ZNF454: variants seen among roughly 807,000 people sequenced by gnomAD.
ZNF454 encodes zinc finger protein 454.
ZNF454 carries 30 observed loss-of-function variants against 48.2 expected under a neutral mutation model. The ratio of observed to expected loss-of-function variants is 0.62; its 90% CI spans 0.47 to 0.84. ZNF454 has a LOEUF of 0.84. Ranked by LOEUF, ZNF454 falls within the 40% of genes least tolerant of loss-of-function variation. The probability of loss-of-function intolerance (pLI) is 0.00; values close to 1 mark genes in which losing one functional copy is unlikely to be tolerated. For synonymous variants in ZNF454, 204 were observed against 211.4 expected, an observed-to-expected ratio of 0.97 and a Z score of 0.30; for missense variants, 510 against 623.1, an observed-to-expected ratio of 0.82 and a Z score of 1.93.
the ZNF454 span, among the ~76,000 whole-genome samples, chr5:178,982,334 T>C: frequency 6.6e-6 from 1 of 152,046 alleles, no homozygotes; most frequent in Non-Finnish European, 1.5e-5. Flanking sequence ...TCCCAGCACT[T>C]TGGGAGGCCG....
At chr5:178,983,730 A>T in the ZNF454 span, among the ~76,000 whole-genome samples, 2 of 152,180 alleles carry the variant, frequency 1.3e-5, no homozygotes, top group African/African-American at 4.8e-5. Context: ...GCTGATGCCG[A>T]GGAGTACTGG....
chr5:178,987,319 C>T, the ZNF454 span: 22 of 502,998 alleles, frequency 4.4e-5, no homozygotes, highest in African/African-American at 1.9e-4. Context: ...GGTAGATACT[C>T]GAGAGACTAG....
the ZNF454 span, among the ~76,000 whole-genome samples, chr5:178,972,310 A>G: frequency 6.6e-6 from 1 of 152,360 alleles, no homozygotes; most frequent in East Asian, 1.9e-4. Context: ...ACAACATTTT[A>G]CAATCTATTT....
chr5:178,947,534 AT>A (rs1413079244), intron 4 of ZNF454, among the ~76,000 whole-genome samples: 4 of 152,108 alleles, frequency 2.6e-5, no homozygotes, highest in Admixed American at 6.6e-5. Context: ...GTTATTGTAT[AT>A]TTTGCTGTGT....
chr5:178,985,230 T>C, the ZNF454 span: 4 of 455,100 alleles, frequency 8.8e-6, no homozygotes, highest in African/African-American at 2.0e-5. Context: ...GTGAGCCAAA[T>C]TGTAGAAGAG....
chr5:178,969,386 C>T, downstream of ZNF454: 2 of 446,270 alleles, frequency 4.5e-6, no homozygotes, highest in South Asian at 3.2e-5. Flanking sequence ...TTTCTGTGCC[C>T]CACCTTCAGC....
At chr5:178,989,211 A>AACCCCCC in the ZNF454 span, 2 of 121,698 alleles carry the variant, frequency 1.6e-5, no homozygotes, top group Non-Finnish European at 2.6e-5. Flanking sequence ...CCCCCTCCCC[A>AACCCCCC]CCCTCACCAC....
At chr5:178,986,670 C>A in the ZNF454 span, 18 of 1,603,030 alleles carry the variant, frequency 1.1e-5, no homozygotes, top group Admixed American at 2.0e-4. Context: ...TCACCATCTT[C>A]TTCCGCTCCC....
chr5:178,983,080 C>A, the ZNF454 span: 4 of 1,614,132 alleles, frequency 2.5e-6, 1 homozygote, highest in South Asian at 4.4e-5. Flanking sequence ...AGGCTGTAGC[C>A]CAGGCAGCCG....
the ZNF454 span, among the ~76,000 whole-genome samples, chr5:178,985,456 C>A: frequency 6.6e-6 from 1 of 151,092 alleles, no homozygotes; most frequent in African/African-American, 2.4e-5. Context: ...GTCATCCCAG[C>A]ACTTTGGGAG....
intron 4 of ZNF454, among the ~76,000 whole-genome samples, chr5:178,950,507 CT>C (rs1759511522): frequency 6.6e-6 from 1 of 152,180 alleles, no homozygotes; most frequent in African/African-American, 2.4e-5. Flanking sequence ...AAGTGTTGCA[CT>C]TTTTTCCCTT....
At position 178,941,446 on chromosome 5, in the gene ZNF454, T is replaced by C. The variant is rs952926845; in HGVS notation, c.-108+2T>C. 9 of 453,284 alleles carry C rather than the reference T, an allele frequency of 2.0e-5. No homozygotes were observed. Among genetic ancestry groups the C allele is most frequent in the African/African-American group, 1.8e-4 (9 of 49,534 alleles). 28.1% of individuals were successfully genotyped at this position (453,284 alleles called of 1,614,324 possible). A position where few individuals can be genotyped will look rare whatever the true frequency, so the allele number is the denominator to read the frequency against. On this transcript the variant is annotated splice_donor_variant, in intron 1 of 4. Transcript: ENST00000519564. LOFTEE classifies it low-confidence loss of function (5UTR_SPLICE). This position sits in a 1 kb window ranked among gnomAD's most constrained non-coding sequence, Gnocchi z 5.5. ...CGAATGCCCCAAACTTCCCGGAATG[T>C]ATGTCTGAGATTTGATCCCAGAGAG... is the stretch of plus-strand genomic sequence containing the variant.
the ZNF454 span, among the ~76,000 whole-genome samples, chr5:178,985,016 T>C: frequency 8.7e-4 from 133 of 152,106 alleles, 2 homozygotes; most frequent in East Asian, 0.02. Flanking sequence ...ATAACTTTAC[T>C]GTCTTAGGAA....
intron 4 of ZNF454, among the ~76,000 whole-genome samples, chr5:178,948,984 C>A (rs1759451335): frequency 6.6e-6 from 1 of 150,982 alleles, no homozygotes; most frequent in African/African-American, 2.4e-5. Context: ...CTCACTGCAA[C>A]CTCAGGCTCC....
chr5:178,959,562 C>T (rs1378303270), intron 4 of ZNF454, among the ~76,000 whole-genome samples: 1 of 152,062 alleles, frequency 6.6e-6, no homozygotes, highest in Non-Finnish European at 1.5e-5. Flanking sequence ...TAATGGGGGA[C>T]AATTGAGAAT....
chr5:178,956,675 A>ATTTTT (rs1554110651), intron 4 of ZNF454, among the ~76,000 whole-genome samples: 2 of 68,424 alleles, frequency 2.9e-5, no homozygotes, highest in South Asian at 4.0e-4. Flanking sequence ...ATTTTATTTA[A>ATTTTT]TTTATTTATT....
downstream of ZNF454, among the ~76,000 whole-genome samples, chr5:178,970,670 C>T (rs1352628174): frequency 1.3e-5 from 2 of 152,172 alleles, no homozygotes; most frequent in Non-Finnish European, 2.9e-5. Context: ...CCATGTTGGT[C>T]AGGCTGGTCT....
At chr5:178,983,322 G>A in the ZNF454 span, 1 of 990,080 alleles carries the variant, frequency 1.0e-6, no homozygotes, top group Non-Finnish European at 1.6e-6. Context: ...TTGAGGCTCT[G>A]GCCTATGGAG....
chr5:178,989,133 C>T, the ZNF454 span: 14 of 1,613,626 alleles, frequency 8.7e-6, no homozygotes, highest in South Asian at 5.5e-5. Context: ...ATGCGTTCCT[C>T]GCCTGTCCTA....
Sources: allele counts gnomAD v4.1 joint callset (sites outside exome capture counted in the v4.1 genomes callset), GRCh38; gene constraint gnomAD v4.1.1; non-coding constraint Gnocchi (gnomAD v3.1); transcripts MANE v1.5; gene names NCBI Gene and HGNC (gene_info 2026-07-23, HGNC 2026-07-21).